RBFOX1: variants seen among roughly 807,000 people sequenced by gnomAD.
RBFOX1 encodes RNA binding protein fox-1 homolog 1.
Under a neutral mutation model 57.7 loss-of-function variants are expected in RBFOX1, and 8 were observed. The ratio of observed to expected loss-of-function variants is 0.14; its 90% CI spans 0.08 to 0.25. The LOEUF is 0.25. Among genes scored for constraint, RBFOX1 ranks in the 10% least tolerant of loss-of-function variants. The pLI is 1.00. For synonymous variants in RBFOX1, 326 were observed against 222.4 expected, an observed-to-expected ratio of 1.47 and a Z score of -4.15; for missense variants, 611 against 548.5, an observed-to-expected ratio of 1.11 and a Z score of -1.14.
At chr16:7,088,594 C>T (rs55863640) in intron 4 of RBFOX1, among the ~76,000 whole-genome samples, 8,340 of 151,320 alleles carry the variant, frequency 0.055, 325 homozygotes, top group African/African-American at 0.11. Flanking sequence ...AGTGGTAACC[C>T]GTAGTTATGA....
chr16:6,993,467 G>A (rs982319261), intron 3 of RBFOX1, among the ~76,000 whole-genome samples: 4 of 152,174 alleles, frequency 2.6e-5, no homozygotes, highest in Non-Finnish European at 5.9e-5. Flanking sequence ...GTGGGAAGGG[G>A]AGATGGGGAA....
At chr16:5,326,225 G>A (rs80282556) in intron 1 of RBFOX1, among the ~76,000 whole-genome samples, 23 of 152,142 alleles carry the variant, frequency 1.5e-4, no homozygotes, top group African/African-American at 5.6e-4. Context: ...TCCTTCTATA[G>A]GTGGGATATT....
chr16:7,273,660 T>C (rs2095384188), intron 4 of RBFOX1, among the ~76,000 whole-genome samples: 1 of 152,196 alleles, frequency 6.6e-6, no homozygotes, highest in Non-Finnish European at 1.5e-5. Flanking sequence ...GCCTTTCGAA[T>C]TGGGAAGCTC....
chr16:6,134,001 G>GTC (rs754482823), intron 1 of RBFOX1, among the ~76,000 whole-genome samples: 1 of 151,600 alleles, frequency 6.6e-6, no homozygotes, highest in Non-Finnish European at 1.5e-5. Flanking sequence ...CAGTGGCGCA[G>GTC]TCTCGGTTCA....
intron 1 of RBFOX1, chr16:5,366,020 C>G: frequency 2.0e-6 from 1 of 494,926 alleles, no homozygotes; most frequent in South Asian, 1.5e-5. Context: ...TAAAGTAACA[C>G]TGGCAGCTTT....
chr16:5,855,898 T>A (rs1233626382), intron 3 of RBFOX1, among the ~76,000 whole-genome samples: 2 of 150,690 alleles, frequency 1.3e-5, no homozygotes, highest in Non-Finnish European at 3.0e-5. Context: ...CCTTCATCAA[T>A]ATTTTATTAA....
At chr16:5,790,651 C>T (rs1323624779) in intron 3 of RBFOX1, among the ~76,000 whole-genome samples, 1 of 152,124 alleles carries the variant, frequency 6.6e-6, no homozygotes, top group African/African-American at 2.4e-5. Context: ...TAAGCCTCGT[C>T]TCCCTCCTGG....
At chr16:6,912,428 C>A (rs1010364442) in intron 3 of RBFOX1, among the ~76,000 whole-genome samples, 26 of 152,054 alleles carry the variant, frequency 1.7e-4, no homozygotes, top group African/African-American at 6.0e-4. Context: ...GGTGTCTGTT[C>A]TCTGTGAGTA....
At chr16:6,278,377 C>CAAAAAAAAAAAAAAAAAAAAA in intron 1 of RBFOX1, among the ~76,000 whole-genome samples, 1 of 28,042 alleles carries the variant, frequency 3.6e-5, no homozygotes, top group Non-Finnish European at 6.1e-5. Flanking sequence ...TAGGACTCAC[C>CAAAAAAAAAAAAAAAAAAAAA]AAAAAAAAAA....
intron 5 of RBFOX1, among the ~76,000 whole-genome samples, chr16:7,544,549 G>A (rs548834748): frequency 1.3e-5 from 2 of 152,220 alleles, no homozygotes; most frequent in Non-Finnish European, 2.9e-5. Context: ...AAGACAGATT[G>A]GACTAATACC....
At chr16:6,258,522 C>T (rs943260981) in intron 1 of RBFOX1, among the ~76,000 whole-genome samples, 9 of 152,288 alleles carry the variant, frequency 5.9e-5, no homozygotes, top group Non-Finnish European at 1.3e-4. Flanking sequence ...TATCTCACTC[C>T]TCTGCTCAAA....
At chr16:6,949,946 G>T (rs372395273) in intron 3 of RBFOX1, among the ~76,000 whole-genome samples, 1,999 of 100,974 alleles carry the variant, frequency 0.02, 56 homozygotes, top group African/African-American at 0.077. Context: ...TTTTTTTGTT[G>T]TTGTTGTTGT....
At chr16:5,841,797 G>C (rs143938168) in intron 3 of RBFOX1, among the ~76,000 whole-genome samples, 77 of 152,266 alleles carry the variant, frequency 5.1e-4, no homozygotes, top group Non-Finnish European at 9.0e-4. Flanking sequence ...TTTCAGCATC[G>C]AGGACTTCCT....
intron 4 of RBFOX1, among the ~76,000 whole-genome samples, chr16:5,914,710 C>T (rs185026023): frequency 9.7e-4 from 147 of 152,224 alleles, no homozygotes; most frequent in African/African-American, 3.4e-3. Flanking sequence ...TCCTGGCTAA[C>T]ATGGTGAAAG....
chr16:6,827,109 T>C (rs1398746200), intron 3 of RBFOX1, among the ~76,000 whole-genome samples: 1 of 152,184 alleles, frequency 6.6e-6, no homozygotes, highest in Non-Finnish European at 1.5e-5. Context: ...CTTAGTGTCC[T>C]TTAATCTAAC....
At chr16:6,909,183 G>A (rs1012691399) in intron 3 of RBFOX1, among the ~76,000 whole-genome samples, 5 of 152,126 alleles carry the variant, frequency 3.3e-5, no homozygotes, top group African/African-American at 1.2e-4. Context: ...AGGTTCTTTG[G>A]GAGAATGTAG....
intron 1 of RBFOX1, among the ~76,000 whole-genome samples, chr16:5,280,836 TG>T (rs1206952730): frequency 1.3e-5 from 2 of 151,910 alleles, no homozygotes; most frequent in African/African-American, 4.8e-5. Flanking sequence ...TTTTTTTTTT[TG>T]GTTAGCCTCA....
At chr16:6,727,816 A>G (rs1429098264) in intron 3 of RBFOX1, among the ~76,000 whole-genome samples, 2 of 152,120 alleles carry the variant, frequency 1.3e-5, no homozygotes, top group Non-Finnish European at 2.9e-5. Flanking sequence ...GTTTTCCAGG[A>G]CATTTGACTT....
intron 2 of RBFOX1, among the ~76,000 whole-genome samples, chr16:6,644,968 A>C (rs1306718161): frequency 6.6e-6 from 1 of 152,196 alleles, no homozygotes; most frequent in Non-Finnish European, 1.5e-5. Flanking sequence ...CTAGGTGCTT[A>C]AAACAACTGA....
Sources: allele counts gnomAD v4.1 joint callset (sites outside exome capture counted in the v4.1 genomes callset), GRCh38; gene constraint gnomAD v4.1.1; transcripts MANE v1.5; gene names NCBI Gene and HGNC (gene_info 2026-07-23, HGNC 2026-07-21).